The following HADH variants were observed in gnomAD, a reference collection of about 807,000 sequenced individuals.
The protein encoded by HADH is hydroxyacyl-CoA dehydrogenase, also known as hydroxyacyl-coenzyme A dehydrogenase, mitochondrial.
A neutral mutation model predicts 32.2 loss-of-function variants in HADH; 24 were observed. That is an observed-to-expected ratio of 0.75 (90% CI 0.54 to 1.05). The LOEUF is 1.05. Ranked by LOEUF, HADH falls within the 50% of genes least tolerant of loss-of-function variation. The pLI is 0.00. For synonymous variants in HADH, 139 were observed against 152.5 expected (o/e 0.91, Z 0.65); for missense variants, 350 against 397.1 (o/e 0.88, Z 1.01).
At chr4:108,032,447 A>C in intron 6 of HADH, 1 of 862,430 alleles carries the variant, frequency 1.2e-6, no homozygotes, top group Non-Finnish European at 2.0e-6. Context: ...AAACCCAAAA[A>C]ACTGGGGGAA....
chr4:108,027,813 G>C lies in HADH; in HGVS notation c.709+53G>C. ...GCAGACCTCAGCTCCTGGCGCCACT[G>C]TCTGGAATTCTCAGTGTCTCTAGGA... is the stretch of plus-strand genomic sequence containing the variant. On this transcript the variant is annotated intron_variant, in intron 6 of 7. Transcript: ENST00000309522. The C allele has an allele frequency of 2.9e-6, 3 of 1,043,268 alleles. No individual in the cohort carries two copies. In the South Asian group the frequency reaches 3.8e-5, roughly 13 times the overall value. The allele number at this position is 1,043,268 out of a possible 1,614,324, so 64.6% of individuals were successfully genotyped here.
chr4:108,015,834 G>C (rs1364803112), intron 3 of HADH, among the ~76,000 whole-genome samples: 1 of 152,106 alleles, frequency 6.6e-6, no homozygotes, highest in Non-Finnish European at 1.5e-5. Context: ...AGGCTGCAGA[G>C]ACATCTGACA....
chr4:108,023,722 T>C (rs1240992706), intron 5 of HADH, 159 bp downstream of exon 5: 2 of 670,902 alleles, frequency 3.0e-6, no homozygotes, highest in Non-Finnish European at 5.5e-6. Flanking sequence ...CCTCCTGTTC[T>C]AGTTTGTAGA....
intron 7 of HADH, 111 bp downstream of exon 7, chr4:108,033,403 A>G (rs573959435): frequency 1.2e-4 from 89 of 737,372 alleles, no homozygotes; most frequent in South Asian, 1.2e-3. Context: ...ACCTTCCAAA[A>G]TCCTGCCTCA....
At chr4:108,024,164 A>C (rs1735984939) in intron 5 of HADH, 1 of 152,538 alleles carries the variant, frequency 6.6e-6, no homozygotes, top group Admixed American at 6.5e-5. Context: ...ATATAAAATA[A>C]TCCCAGTTGC....
At chr4:108,017,909 C>A (rs115602814) in intron 3 of HADH, among the ~76,000 whole-genome samples, 135 of 152,210 alleles carry the variant, frequency 8.9e-4, no homozygotes, top group Non-Finnish European at 1.7e-3. Flanking sequence ...TCTCTGAAGA[C>A]AGTGTGAGAC....
intron 1 of HADH, among the ~76,000 whole-genome samples, chr4:108,003,103 G>GTTT (rs1335472955): frequency 2.2e-5 from 2 of 90,384 alleles, no homozygotes; most frequent in Non-Finnish European, 4.5e-5. Context: ...CAGTGTCTTA[G>GTTT]TCTTTTTTTT....
chr4:108,009,704 C>T (rs1165166353), intron 1 of HADH, 55 bp from the exon 2 acceptor site: 31 of 1,558,398 alleles, frequency 2.0e-5, no homozygotes, highest in African/African-American at 5.4e-5. Flanking sequence ...GGTGTGTGCG[C>T]GTGCGTGTTA....
chr4:107,992,737 A>G (rs760364338), intron 1 of HADH, among the ~76,000 whole-genome samples: 3 of 152,212 alleles, frequency 2.0e-5, no homozygotes, highest in Non-Finnish European at 2.9e-5. Context: ...TATGTCAAGC[A>G]GTTACATATA....
chr4:108,000,713 A>G (rs181861689), intron 1 of HADH, among the ~76,000 whole-genome samples: 2 of 152,316 alleles, frequency 1.3e-5, no homozygotes, highest in African/African-American at 2.4e-5. Flanking sequence ...ATGAAGGGTA[A>G]GTTGAAGTCC....
At chr4:108,011,098 C>T (rs1461746688) in intron 2 of HADH, among the ~76,000 whole-genome samples, 4 of 152,184 alleles carry the variant, frequency 2.6e-5, no homozygotes, top group Admixed American at 6.5e-5. Flanking sequence ...CCACCCACCT[C>T]GGTCTCCCAA....
chr4:108,030,394 G>A (rs1462735275), intron 6 of HADH: 1 of 152,592 alleles, frequency 6.6e-6, no homozygotes. Context: ...CTCTTTTCTG[G>A]GGCACTCTGG....
intron 1 of HADH, chr4:108,004,324 TA>T (rs1238912282): frequency 7.2e-6 from 2 of 278,576 alleles, no homozygotes; most frequent in African/African-American, 4.4e-5. Context: ...GGTCCATCCC[TA>T]GGGGAGCACA....
At chr4:108,019,844 T>C (rs140032535) in intron 4 of HADH, among the ~76,000 whole-genome samples, 178 bp downstream of exon 4, 7 of 152,330 alleles carry the variant, frequency 4.6e-5, no homozygotes. Context: ...TTCACAGCCC[T>C]GTGTCTTGCT....
chr4:108,004,026 C>T (rs1394752336), intron 1 of HADH, among the ~76,000 whole-genome samples: 1 of 152,168 alleles, frequency 6.6e-6, no homozygotes, highest in Non-Finnish European at 1.5e-5. Flanking sequence ...TGTCTCAGTA[C>T]TGTTTCAGGC....
chr4:108,026,011 G>T (rs999417339), intron 5 of HADH: 1 of 152,124 alleles, frequency 6.6e-6, no homozygotes, highest in Non-Finnish European at 1.5e-5. Flanking sequence ...GCAAAAATGC[G>T]TATTTTTTTG....
intron 6 of HADH, chr4:108,028,570 G>C: frequency 3.2e-6 from 1 of 309,748 alleles, no homozygotes; most frequent in Non-Finnish European, 5.8e-6. Flanking sequence ...AAGCACATTT[G>C]CTTCCTCAAA....
chr4:108,031,470 CCT>C (rs1736259219), intron 6 of HADH: 1 of 152,262 alleles, frequency 6.6e-6, no homozygotes, highest in African/African-American at 2.4e-5. Flanking sequence ...CTAATGAAAT[CCT>C]CTGAGTAGAA....
chr4:108,020,971 C>CT (rs1467966640), intron 4 of HADH, among the ~76,000 whole-genome samples: 1 of 152,160 alleles, frequency 6.6e-6, no homozygotes, highest in Non-Finnish European at 1.5e-5. Context: ...AGCATTTTCT[C>CT]TCAAGTGACA....
Sources: allele counts gnomAD v4.1 joint callset (sites outside exome capture counted in the v4.1 genomes callset), GRCh38; gene constraint gnomAD v4.1.1; transcripts MANE v1.5; gene names NCBI Gene and HGNC (gene_info 2026-07-23, HGNC 2026-07-21).